GRM7: variants seen among roughly 807,000 people sequenced by gnomAD.
GRM7 encodes the protein glutamate metabotropic receptor 7, also known as metabotropic glutamate receptor 7.
Under a neutral mutation model 84.5 loss-of-function variants are expected in GRM7, and 35 were observed. The ratio of observed to expected loss-of-function variants is 0.41; its 90% CI spans 0.32 to 0.55. The LOEUF (loss-of-function observed/expected upper bound fraction) is 0.55. Among genes scored for constraint, GRM7 ranks in the 20% least tolerant of loss-of-function variants. The pLI is 0.19. For synonymous variants in GRM7, 487 were observed against 455.1 expected (o/e 1.07, Z -0.89); for missense variants, 1,003 against 1,194.6 (o/e 0.84, Z 2.36).
intron 4 of GRM7, among the ~76,000 whole-genome samples, chr3:7,394,525 C>T (rs1695129793): frequency 6.6e-6 from 1 of 152,114 alleles, no homozygotes; most frequent in Non-Finnish European, 1.5e-5. Context: ...TACTTGTGCT[C>T]ATATACTAAT....
intron 4 of GRM7, among the ~76,000 whole-genome samples, chr3:7,311,370 C>A (rs912964948): frequency 6.6e-6 from 1 of 152,042 alleles, no homozygotes; most frequent in African/African-American, 2.4e-5. Context: ...AGGTGAAATC[C>A]CACAGGGAAC....
chr3:7,312,927 T>A (rs1322692989), intron 4 of GRM7, among the ~76,000 whole-genome samples: 1 of 126,250 alleles, frequency 7.9e-6, no homozygotes, highest in African/African-American at 3.5e-5. Flanking sequence ...TCCTTTTTTT[T>A]CTTTTTTTCT....
chr3:7,411,807 A>C (rs1349469282), intron 4 of GRM7, among the ~76,000 whole-genome samples: 1 of 152,204 alleles, frequency 6.6e-6, no homozygotes, highest in African/African-American at 2.4e-5. Context: ...TCTCTAGTGC[A>C]TGTACCTAGC....
At position 7,578,508 on chromosome 3, in the gene GRM7, G is replaced by C; in HGVS notation, c.1602G>C (p.Lys534Asn). Residue 534 changes from lysine to asparagine, a missense_variant, in exon 8 of 10, where the codon AAG becomes AAC. Around this residue, in one of 2 missense-constraint regions of GRM7, gnomAD observed 910 missense variants for 1,126.0 expected, o/e 0.81. Coordinates refer to ENST00000357716, the MANE Select transcript of GRM7 (RefSeq NM_000844.4). ...TLPCKPGQRK[K>N]TQKGTPCCWT... is the part of the protein sequence containing the mutation. ...CATGTAAGCCAGGACAGAGAAAGAA[G>C]ACACAGAAAGGAACTCCTTGCTGTT... 6.2e-7 allele frequency: 1 copy of C among 1,613,980 alleles called. No homozygotes were observed. Among genetic ancestry groups the C allele is most frequent in the Non-Finnish European group, 8.5e-7 (1 of 1,179,876 alleles).
rs1355981821 is a variant in GRM7, at chr3:7,467,936, CAA to C, written c.1515+6217_1515+6218del. Among the ~76,000 whole-genome samples, 5 of 152,216 alleles carry C rather than the reference CAA, an allele frequency of 3.3e-5. No homozygotes were observed. The East Asian group carries it at 5.8e-4, about 18-fold the overall frequency. ...AAACTGAGGTGATTCAAATTAATTT[CAA>C]AAGTTGTAATGTTTGTTCCATATTG... On this transcript the variant is annotated intron_variant, in intron 7 of 9. Coordinates refer to ENST00000357716, the MANE Select transcript of GRM7 (RefSeq NM_000844.4).
intron 1 of GRM7, among the ~76,000 whole-genome samples, chr3:6,977,461 A>C (rs2124823621): frequency 6.6e-6 from 1 of 151,980 alleles, no homozygotes; most frequent in East Asian, 1.9e-4. Context: ...GTATTAGTAT[A>C]ACTGCCTAAA....
intron 8 of GRM7, among the ~76,000 whole-genome samples, chr3:7,613,317 T>C (rs913210351): frequency 2.0e-5 from 3 of 152,348 alleles, no homozygotes; most frequent in South Asian, 2.1e-4. Flanking sequence ...ATTTAGTCTA[T>C]GCATTCAAAA....
intron 5 of GRM7, among the ~76,000 whole-genome samples, chr3:7,427,930 G>T (rs781389902): frequency 4.6e-5 from 7 of 152,180 alleles, no homozygotes; most frequent in Non-Finnish European, 7.3e-5. Context: ...AGGTCTGGCA[G>T]ACTTCAAAAC....
intron 7 of GRM7, among the ~76,000 whole-genome samples, chr3:7,516,337 C>A (rs559227041): frequency 4.0e-5 from 6 of 150,090 alleles, no homozygotes; most frequent in Admixed American, 4.0e-4. Flanking sequence ...ATTAGCCAGG[C>A]GTGGTGGTGT....
At chr3:7,224,902 C>G (rs1284947682) in intron 2 of GRM7, among the ~76,000 whole-genome samples, 1 of 152,078 alleles carries the variant, frequency 6.6e-6, no homozygotes, top group Non-Finnish European at 1.5e-5. Context: ...ATCCCATGAC[C>G]AAGAGTTTTG....
chr3:7,091,272 G>T (rs1454251152), intron 1 of GRM7, among the ~76,000 whole-genome samples: 3 of 151,648 alleles, frequency 2.0e-5, no homozygotes, highest in African/African-American at 7.3e-5. Flanking sequence ...CTTGCTAAAT[G>T]TTGATAACTA....
chr3:7,297,253 A>C (rs1183197314), intron 2 of GRM7, among the ~76,000 whole-genome samples: 5 of 152,046 alleles, frequency 3.3e-5, no homozygotes, highest in African/African-American at 7.2e-5. Context: ...TCTTTGATGC[A>C]TGGGTTATTT....
chr3:7,075,532 G>GTGTGTGTGTGTGTGTGTGTGTT (rs1559422775), intron 1 of GRM7, among the ~76,000 whole-genome samples: 2 of 147,720 alleles, frequency 1.4e-5, no homozygotes, highest in African/African-American at 5.0e-5. Context: ...GTGTGTGTGT[G>GTGTGTGTGTGTGTGTGTGTGTT]TGTGTGTGTG....
intron 4 of GRM7, chr3:7,403,216 T>A (rs1300998079): frequency 2.3e-6 from 1 of 444,056 alleles, no homozygotes; most frequent in East Asian, 7.0e-5. Context: ...TAATAATTGA[T>A]ATGTGCTAAA....
At chr3:7,391,760 C>T (rs1285407526) in intron 4 of GRM7, among the ~76,000 whole-genome samples, 1 of 129,654 alleles carries the variant, frequency 7.7e-6, no homozygotes, top group African/African-American at 2.7e-5. Context: ...AAAAGGTGTG[C>T]ATGGAAAAAA....
chr3:7,427,259 A>G (rs1326515109), intron 5 of GRM7, among the ~76,000 whole-genome samples: 1 of 152,232 alleles, frequency 6.6e-6, no homozygotes, highest in African/African-American at 2.4e-5. Context: ...ACAGGAATAG[A>G]GAACTAAGAA....
intron 1 of GRM7, among the ~76,000 whole-genome samples, chr3:6,988,949 A>T (rs973565038): frequency 6.6e-6 from 1 of 152,222 alleles, no homozygotes; most frequent in Non-Finnish European, 1.5e-5. Flanking sequence ...TATTGTCAAA[A>T]AAATAAATAA....
intron 1 of GRM7, chr3:6,892,919 T>G (rs1696023798): frequency 6.6e-6 from 1 of 152,098 alleles, no homozygotes; most frequent in Non-Finnish European, 1.5e-5. Flanking sequence ...TAGCTACAGG[T>G]GTGCATGGCC....
chr3:6,981,290 A>G (rs1048375077), intron 1 of GRM7, among the ~76,000 whole-genome samples: 3 of 152,170 alleles, frequency 2.0e-5, no homozygotes, highest in African/African-American at 4.8e-5. Context: ...CGCACTGTCT[A>G]AAATTAGGCA....
Sources: gnomAD v4.1 joint callset for allele counts (sites outside exome capture counted in the v4.1 genomes callset) on GRCh38, gnomAD v4.1.1 for gene constraint, gnomAD v4.1.1 regional missense constraint, MANE v1.5 for transcripts, NCBI Gene and HGNC (gene_info 2026-07-23, HGNC 2026-07-21) for gene names.